The following WNT2B variants were observed in gnomAD, a reference collection of about 807,000 sequenced individuals.
WNT2B encodes the protein Wnt family member 2B.
A neutral mutation model predicts 40.5 loss-of-function variants in WNT2B; 19 were observed. The ratio of observed to expected loss-of-function variants is 0.47; its 90% confidence interval spans 0.33 to 0.69. The LOEUF is 0.69. WNT2B is among the 30% of genes least tolerant of loss of function. The pLI is 0.02. For synonymous variants in WNT2B, 220 were observed against 211.9 expected (o/e 1.04, Z -0.33); for missense variants, 467 against 556.4 (o/e 0.84, Z 1.62).
intron 1 of WNT2B, among the ~76,000 whole-genome samples, chr1:112,477,896 G>C (rs1441107906): frequency 1.3e-5 from 2 of 152,168 alleles, no homozygotes; most frequent in Admixed American, 6.5e-5. Context: ...TGGGATTTAT[G>C]GAATACCATC....
chr1:112,483,779 C>CAA (rs71081241), intron 1 of WNT2B, among the ~76,000 whole-genome samples: 6 of 128,620 alleles, frequency 4.7e-5, no homozygotes, highest in South Asian at 2.3e-4. Flanking sequence ...AACTGAATAA[C>CAA]AAAAAAAAAA....
In WNT2B at chr1:112,509,942, G is replaced by A. The variant is rs927334063; in HGVS notation, c.182+498G>A. 2.6e-5 allele frequency among the ~76,000 whole-genome samples: 4 copies of A among 152,166 alleles called. No homozygotes were observed. The highest frequency in any genetic ancestry group is 5.9e-5 in the Non-Finnish European group (4 of 68,030). On this transcript the variant is annotated intron_variant, in intron 1 of 4. Transcript: ENST00000369684. This position sits in a 1 kb window ranked among gnomAD's most constrained non-coding sequence, Gnocchi z 4.2. ...CCAGCCGAGGCTTAGAAATGGAATC[G>A]AGGCAAAATTTACCCCATTAACTCC...
At chr1:112,496,052 A>G (rs190459394) in intron 1 of WNT2B, among the ~76,000 whole-genome samples, 20 of 152,356 alleles carry the variant, frequency 1.3e-4, no homozygotes, top group Admixed American at 9.8e-4. Context: ...CCCACCTTTC[A>G]ATAGTGTCAC....
chr1:112,517,516 A>G, intron 4 of WNT2B, 131 bp downstream of exon 4: 7 of 1,180,704 alleles, frequency 5.9e-6, no homozygotes, highest in Non-Finnish European at 8.1e-6. Flanking sequence ...TCCTCTCCAC[A>G]TGAACACCTG....
chr1:112,470,691 G>C (rs1036643362), intron 1 of WNT2B, among the ~76,000 whole-genome samples: 1 of 152,204 alleles, frequency 6.6e-6, no homozygotes, highest in Non-Finnish European at 1.5e-5. Context: ...CTCCACCAGT[G>C]GGGGTAGGGT....
upstream of WNT2B, among the ~76,000 whole-genome samples, chr1:112,506,639 G>C (rs1652115139): frequency 6.6e-6 from 1 of 152,164 alleles, no homozygotes; most frequent in East Asian, 1.9e-4. Context: ...GTGGTCCAAG[G>C]AAAGAGGCCC....
At chr1:112,501,371 A>G (rs570005993) in intron 1 of WNT2B, among the ~76,000 whole-genome samples, 1 of 152,138 alleles carries the variant, frequency 6.6e-6, no homozygotes, top group Non-Finnish European at 1.5e-5. Flanking sequence ...TCTGTACAAT[A>G]CTCTTGGAAA....
intron 1 of WNT2B, among the ~76,000 whole-genome samples, chr1:112,483,669 A>G (rs989053221): frequency 1.3e-5 from 2 of 152,104 alleles, no homozygotes; most frequent in South Asian, 4.1e-4. Flanking sequence ...CAGCAAAGGA[A>G]ACAACAGAGA....
intron 1 of WNT2B, among the ~76,000 whole-genome samples, chr1:112,496,112 GTGTT>G (rs1651760247): frequency 6.6e-6 from 1 of 152,108 alleles, no homozygotes; most frequent in Non-Finnish European, 1.5e-5. Context: ...GGATGGATGG[GTGTT>G]TGTTTTTGTT....
Position 112,516,251 on chromosome 1 carries a change from C to A in WNT2B, c.515C>A (p.Thr172Asn). 6.2e-7 allele frequency: 1 copy of A among 1,614,018 alleles called. No homozygotes were observed. Among genetic ancestry groups the A allele is most frequent in the African/African-American group, 1.3e-5 (1 of 74,990 alleles). Residue 172 changes from threonine (T) to asparagine (N), a missense_variant, in exon 3 of 5, where the codon ACC (threonine) becomes AAC (asparagine). Physicochemically the swap from Thr to Asn is moderately conservative, Grantham distance 65. This residue lies in a region of WNT2B where 330 missense variants were observed against 438.6 expected (regional missense o/e 0.75). Transcript: ENST00000369684. ...ELSVCSCDPY[T>N]RGRHHDQRGD... is the part of the protein sequence containing the mutation. ...AGTGTGTGCAGCTGTGACCCCTACA[C>A]CCGTGGCCGACACCATGACCAGCGT...
In WNT2B at chr1:112,514,919, T is replaced by A; in HGVS notation, c.228T>A (p.Pro76=). 1 of 1,614,260 alleles carries A rather than the reference T, an allele frequency of 6.2e-7. No homozygotes were observed. Among genetic ancestry groups the A allele is most frequent in the Non-Finnish European group, 8.5e-7 (1 of 1,180,044 alleles). Residue 76 remains proline, a synonymous_variant, in exon 2 of 5, where the codon CCT becomes CCA. Transcript: ENST00000369684. ...LGARVICDNI[P]GLVSRQRQLC... ...CACGAGTGATCTGTGACAATATCCC[T>A]GGTTTGGTGAGCCGGCAGCGGCAGC...
At chr1:112,468,188 T>C (rs903604726) in intron 1 of WNT2B, among the ~76,000 whole-genome samples, 2 of 152,172 alleles carry the variant, frequency 1.3e-5, no homozygotes, top group African/African-American at 4.8e-5. Context: ...CTATACCAAG[T>C]TTTCTCTATT....
chr1:112,468,296 T>C (rs146389482), intron 1 of WNT2B, among the ~76,000 whole-genome samples: 1 of 152,330 alleles, frequency 6.6e-6, no homozygotes, highest in Non-Finnish European at 1.5e-5. Flanking sequence ...ATATACTATT[T>C]ATTTTCCTTT....
intron 1 of WNT2B, among the ~76,000 whole-genome samples, chr1:112,491,614 G>A (rs945679677): frequency 6.6e-5 from 10 of 152,092 alleles, no homozygotes; most frequent in Non-Finnish European, 5.9e-5. Context: ...GGCCAGGTGC[G>A]GTGGCTCATA....
At position 112,529,152 on chromosome 1, in the gene WNT2B, CTGAGTGTG is replaced by C. The variant is rs1284233810; in HGVS notation, c.*8646_*8653del. ...ACTATGGGTCTGACCCAGTGTGGCA[CTGAGTGTG>C]TGTGTGTTTGTGTGTTTGTGTGTGT... On this transcript the variant is annotated 3_prime_UTR_variant, in exon 5 of 5. Coordinates refer to ENST00000369684, the MANE Select transcript of WNT2B (RefSeq NM_024494.3). 6.6e-6 allele frequency: 1 copy of C among 151,874 alleles called. No homozygotes were observed. Among genetic ancestry groups the C allele is most frequent in the Non-Finnish European group, 1.5e-5 (1 of 67,990 alleles). The allele number at this position is 151,874 out of a possible 1,614,324, so 9.4% of individuals were successfully genotyped here.
intron 3 of WNT2B, among the ~76,000 whole-genome samples, chr1:112,516,878 G>A (rs1652574952): frequency 6.6e-6 from 1 of 152,224 alleles, no homozygotes; most frequent in African/African-American, 2.4e-5. Flanking sequence ...TGGCTCTACA[G>A]TTCAGTGGGC....
intron 1 of WNT2B, among the ~76,000 whole-genome samples, chr1:112,468,386 A>T (rs914137309): frequency 6.6e-6 from 1 of 152,168 alleles, no homozygotes; most frequent in Non-Finnish European, 1.5e-5. Flanking sequence ...ATTGTTTTCC[A>T]TAGTGGTTGT....
intron 1 of WNT2B, among the ~76,000 whole-genome samples, chr1:112,490,466 A>G (rs1445872435): frequency 6.6e-6 from 1 of 151,642 alleles, no homozygotes; most frequent in East Asian, 1.9e-4. Flanking sequence ...AGAACAATAA[A>G]TTACTTTTCT....
chr1:112,496,794 T>G (rs946427159), intron 1 of WNT2B, among the ~76,000 whole-genome samples: 9 of 152,036 alleles, frequency 5.9e-5, no homozygotes, highest in Non-Finnish European at 1.2e-4. Flanking sequence ...GAGACAGGGT[T>G]TCTCCATGTT....
Sources: allele counts gnomAD v4.1 joint callset (sites outside exome capture counted in the v4.1 genomes callset), GRCh38; gene constraint gnomAD v4.1.1; regional missense constraint gnomAD v4.1.1; non-coding constraint Gnocchi (gnomAD v3.1); transcripts MANE v1.5; gene names NCBI Gene and HGNC (gene_info 2026-07-23, HGNC 2026-07-21).